The following PIK3CB variants were observed in gnomAD, a reference collection of about 807,000 sequenced individuals.
PIK3CB encodes the protein phosphatidylinositol-4,5-bisphosphate 3-kinase catalytic subunit beta.
A neutral mutation model predicts 136.8 loss-of-function variants in PIK3CB; 39 were observed. That is an observed-to-expected ratio of 0.29 (90% CI 0.22 to 0.37). The LOEUF (loss-of-function observed/expected upper bound fraction) is 0.37. Ranked by LOEUF, PIK3CB falls within the 10% of genes least tolerant of loss-of-function variation. The pLI is 1.00. For missense variants in PIK3CB, 868 were observed against 1,275.4 expected, an observed-to-expected ratio of 0.68 and a Z score of 4.87; for synonymous variants, 428 against 436.6, an observed-to-expected ratio of 0.98 and a Z score of 0.25.
intron 10 of PIK3CB, among the ~76,000 whole-genome samples, chr3:138,709,520 T>C (rs527916447): frequency 1.2e-4 from 19 of 152,228 alleles, no homozygotes; most frequent in Non-Finnish European, 2.4e-4. Flanking sequence ...GGAAAAAAAA[T>C]AATAAACGTG....
chr3:138,664,282 G>A (rs924384099), intron 20 of PIK3CB, among the ~76,000 whole-genome samples: 6 of 152,046 alleles, frequency 3.9e-5, no homozygotes, highest in African/African-American at 1.2e-4. Flanking sequence ...GCTGTGTTTC[G>A]GTGGGGCTGT....
intron 14 of PIK3CB, among the ~76,000 whole-genome samples, chr3:138,692,047 AAC>A (rs2044021180): frequency 6.6e-6 from 1 of 152,208 alleles, no homozygotes; most frequent in African/African-American, 2.4e-5. Context: ...GAAATAATAT[AAC>A]AGATAACATT....
intron 1 of PIK3CB, among the ~76,000 whole-genome samples, chr3:138,830,889 G>A (rs1364139660): frequency 1.4e-5 from 2 of 143,736 alleles, no homozygotes; most frequent in Admixed American, 7.2e-5. Flanking sequence ...GCAACAGAGC[G>A]AAACTCCGTC....
At chr3:138,691,519 T>G (rs2044007776) in intron 14 of PIK3CB, among the ~76,000 whole-genome samples, 1 of 152,210 alleles carries the variant, frequency 6.6e-6, no homozygotes. Context: ...CATGCTAGTC[T>G]CATGACAGTG....
intron 8 of PIK3CB, among the ~76,000 whole-genome samples, chr3:138,727,913 A>C (rs2108623524): frequency 6.6e-6 from 1 of 151,984 alleles, no homozygotes; most frequent in Non-Finnish European, 1.5e-5. Context: ...GCTGGAGTGC[A>C]ATGGTGTGAC....
intron 11 of PIK3CB, among the ~76,000 whole-genome samples, chr3:138,705,155 CAAAAAAA>C (rs1312893752): frequency 4.4e-4 from 13 of 29,870 alleles, no homozygotes; most frequent in African/African-American, 8.9e-4. Flanking sequence ...ATTAGAAAGG[CAAAAAAA>C]AAAAAAAAAA....
At chr3:138,687,801 G>A (rs966961236) in intron 16 of PIK3CB, among the ~76,000 whole-genome samples, 5 of 152,162 alleles carry the variant, frequency 3.3e-5, no homozygotes, top group Non-Finnish European at 5.9e-5. Context: ...TGTATAGAAT[G>A]TTGGGGGAGA....
intron 2 of PIK3CB, among the ~76,000 whole-genome samples, chr3:138,761,226 TGAATC>T (rs2045658404): frequency 6.6e-6 from 1 of 152,176 alleles, no homozygotes; most frequent in East Asian, 1.9e-4. Context: ...AAACTGAACT[TGAATC>T]TAATCAAGGC....
rs1248216417 is a variant in PIK3CB, at chr3:138,654,078, C to A, written c.*1311G>T. On this transcript the variant is annotated 3_prime_UTR_variant, in exon 24 of 24. Coordinates refer to ENST00000674063, the MANE Select transcript of PIK3CB (RefSeq NM_006219.3). ...ATTTGACTGAGAACATTAAGAAGGA[C>A]AACAAAATTAAACATTCTTTAATAA... 3.6e-5 allele frequency: 7 copies of A among 195,006 alleles called. No homozygotes were observed. The East Asian group carries it at 5.6e-4, about 16-fold the overall frequency. The allele number at this position is 195,006 out of a possible 1,614,324, so 12.1% of individuals were successfully genotyped here.
chr3:138,756,931 T>C (rs1031160605), intron 3 of PIK3CB, among the ~76,000 whole-genome samples: 1 of 152,188 alleles, frequency 6.6e-6, no homozygotes, highest in African/African-American at 2.4e-5. Context: ...GCAAATCATA[T>C]ATATCTGACA....
At chr3:138,823,049 T>C (rs1933631864) in intron 1 of PIK3CB, among the ~76,000 whole-genome samples, 1 of 150,936 alleles carries the variant, frequency 6.6e-6, no homozygotes, top group African/African-American at 2.4e-5. Flanking sequence ...CAGAAAAACG[T>C]TTTAGTTAAC....
At chr3:138,746,255 A>G (rs1228309017) in intron 4 of PIK3CB, among the ~76,000 whole-genome samples, 6 of 152,252 alleles carry the variant, frequency 3.9e-5, no homozygotes, top group East Asian at 1.9e-4. Flanking sequence ...GCAGGTATCT[A>G]TTCTCCTCAG....
chr3:138,660,732 A>C (rs1490345438), intron 21 of PIK3CB, among the ~76,000 whole-genome samples: 1 of 152,248 alleles, frequency 6.6e-6, no homozygotes, highest in Non-Finnish European at 1.5e-5. Flanking sequence ...TAAGTATGTG[A>C]GGTAACACAC....
intron 7 of PIK3CB, 149 bp downstream of exon 7, chr3:138,734,485 T>C: frequency 2.1e-6 from 1 of 476,812 alleles, no homozygotes; most frequent in Non-Finnish European, 3.6e-6. Context: ...AGAAAGATAA[T>C]TTTTAAATAA....
rs780601424 is a variant in PIK3CB, at chr3:138,655,429, T to G, written c.3173A>C (p.Asn1058Thr). ...TTTCCGAACTGTGTGGGCCATCCAG[T>G]TCACTTTAGTAGTCCAGCTTTCCCT... ...ALRESWTTKVNWMAHTVRKDY... is the reference protein window; with the variant it reads ...ALRESWTTKVTWMAHTVRKDY... Residue 1058 changes from asparagine to threonine, a missense_variant, in exon 24 of 24, where the codon AAC becomes ACC. Transcript: ENST00000674063. The G allele has an allele frequency of 7.4e-6, 12 of 1,614,130 alleles. No individual in the cohort carries two copies. Among genetic ancestry groups the G allele is most frequent in the Non-Finnish European group, 9.3e-6 (11 of 1,179,958 alleles).
chr3:138,710,495 A>G (rs546425196), intron 10 of PIK3CB, among the ~76,000 whole-genome samples: 1 of 152,330 alleles, frequency 6.6e-6, no homozygotes, highest in Non-Finnish European at 1.5e-5. Flanking sequence ...AACTATAAAG[A>G]CAGGAAAAAA....
intron 1 of PIK3CB, among the ~76,000 whole-genome samples, chr3:138,808,026 T>TA (rs1272363139): frequency 6.6e-6 from 1 of 152,206 alleles, no homozygotes; most frequent in African/African-American, 2.4e-5. Context: ...ATGTTGCCTT[T>TA]AGTGCTGATT....
At chr3:138,731,604 A>G (rs2044975306) in intron 8 of PIK3CB, among the ~76,000 whole-genome samples, 1 of 152,114 alleles carries the variant, frequency 6.6e-6, no homozygotes, top group African/African-American at 2.4e-5. Context: ...TACTTTTGCA[A>G]TTAAAAAATT....
At chr3:138,767,310 T>C (rs945398523) in intron 2 of PIK3CB, among the ~76,000 whole-genome samples, 1 of 152,236 alleles carries the variant, frequency 6.6e-6, no homozygotes, top group African/African-American at 2.4e-5. Flanking sequence ...GATGTTTGAT[T>C]ATCCATTACC....
Sources: gnomAD v4.1 joint callset for allele counts (sites outside exome capture counted in the v4.1 genomes callset) on GRCh38, gnomAD v4.1.1 for gene constraint, MANE v1.5 for transcripts, NCBI Gene and HGNC (gene_info 2026-07-23, HGNC 2026-07-21) for gene names.